RASGRP1: variants seen among roughly 807,000 people sequenced by gnomAD.
The protein encoded by RASGRP1 is RAS guanyl-releasing protein 1.
Under a neutral mutation model 95.1 loss-of-function variants are expected in RASGRP1, and 37 were observed. The ratio of observed to expected loss-of-function variants is 0.39; its 90% confidence interval spans 0.30 to 0.51. RASGRP1 has a LOEUF of 0.51. Among genes scored for constraint, RASGRP1 ranks in the 20% least tolerant of loss-of-function variants. RASGRP1 has a pLI of 0.80. For missense variants in RASGRP1, 711 were observed against 965.4 expected (o/e 0.74, Z 3.49); for synonymous variants, 325 against 353.4 (o/e 0.92, Z 0.90).
chr15:38,550,357 A>G (rs1893290560), intron 2 of RASGRP1, among the ~76,000 whole-genome samples: 1 of 152,142 alleles, frequency 6.6e-6, no homozygotes, highest in South Asian at 2.1e-4. Context: ...CTTTCACTGT[A>G]ATACAAAATA....
intron 4 of RASGRP1, 22 bp downstream of exon 4, chr15:38,519,287 G>A (rs1891905223): frequency 6.6e-7 from 1 of 1,514,510 alleles, no homozygotes; most frequent in Admixed American, 1.7e-5. Context: ...ACAAAGTCTT[G>A]AAATACATAA....
chr15:38,496,072 A>G lies in RASGRP1; in HGVS notation c.1874-1305T>C, dbSNP rs1203887967. ...TGACAGTGTTAACAGAAATTAGGAG[A>G]GGTACAAGTTTCAAGAAAGTGAAAG... On this transcript the variant is annotated intron_variant, in intron 15 of 16. Transcript: ENST00000310803. 2.6e-5 allele frequency among the ~76,000 whole-genome samples: 4 copies of G among 152,150 alleles called. No individual in the cohort carries two copies. The East Asian group carries it at 7.7e-4, about 29-fold the overall frequency.
At chr15:38,510,445 A>C (rs1004739375) in intron 8 of RASGRP1, among the ~76,000 whole-genome samples, 3 of 152,244 alleles carry the variant, frequency 2.0e-5, no homozygotes, top group African/African-American at 7.2e-5. Flanking sequence ...CAGAGATAAT[A>C]AAAGACTCCC....
intron 1 of RASGRP1, 100 bp downstream of exon 1, chr15:38,564,494 C>G: frequency 8.5e-7 from 1 of 1,177,012 alleles, no homozygotes. Context: ...CGGCCCCCCT[C>G]CGCCCTCAAC....
At chr15:38,519,172 C>T (rs1286185272) in intron 4 of RASGRP1, 137 bp downstream of exon 4, 4 of 517,092 alleles carry the variant, frequency 7.7e-6, no homozygotes, top group Non-Finnish European at 1.3e-5. Context: ...AGAGAAAATT[C>T]ACTGTTATGA....
At chr15:38,514,775 C>G (rs1891692156) in intron 6 of RASGRP1, among the ~76,000 whole-genome samples, 3 of 152,228 alleles carry the variant, frequency 2.0e-5, no homozygotes, top group Admixed American at 2.0e-4. Flanking sequence ...TCTGCCTCCA[C>G]TGATGTGAGC....
intron 2 of RASGRP1, among the ~76,000 whole-genome samples, chr15:38,549,887 G>A (rs1385642834): frequency 6.6e-6 from 1 of 152,038 alleles, no homozygotes; most frequent in Non-Finnish European, 1.5e-5. Flanking sequence ...CTTCTGTGCT[G>A]CTGAAGAATC....
intron 15 of RASGRP1, among the ~76,000 whole-genome samples, chr15:38,497,264 C>A (rs1890828591): frequency 6.6e-6 from 1 of 152,180 alleles, no homozygotes; most frequent in South Asian, 2.1e-4. Context: ...CCGTCCCCAA[C>A]AAGCCCTTCA....
At chr15:38,498,653 CTG>C in intron 15 of RASGRP1, 139 bp downstream of exon 15, 2 of 1,022,694 alleles carry the variant, frequency 2.0e-6, no homozygotes, top group East Asian at 5.2e-5. Flanking sequence ...AAATCCAAAA[CTG>C]TGGGAGGGGT....
intron 2 of RASGRP1, among the ~76,000 whole-genome samples, chr15:38,540,564 T>C (rs1892825432): frequency 6.6e-6 from 1 of 152,082 alleles, no homozygotes; most frequent in African/African-American, 2.4e-5. Context: ...AGTAAAAGGG[T>C]AAAAAGAGGA....
chr15:38,505,470 G>A (rs1267570294), intron 10 of RASGRP1, among the ~76,000 whole-genome samples: 1 of 152,006 alleles, frequency 6.6e-6, no homozygotes, highest in Admixed American at 6.6e-5. Context: ...AATTTATGTG[G>A]GGACTCTTCT....
chr15:38,496,775 T>A (rs1890807530), intron 15 of RASGRP1, among the ~76,000 whole-genome samples: 1 of 152,182 alleles, frequency 6.6e-6, no homozygotes, highest in African/African-American at 2.4e-5. Flanking sequence ...AATTTTTACT[T>A]GGCTGATGTG....
intron 2 of RASGRP1, 143 bp from the exon 3 acceptor site, chr15:38,526,547 T>C (rs898293331): frequency 1.0e-5 from 6 of 600,636 alleles, no homozygotes; most frequent in Non-Finnish European, 1.8e-5. Context: ...AGCCCCCCTC[T>C]GTTTTTCTCA....
intron 2 of RASGRP1, among the ~76,000 whole-genome samples, chr15:38,549,329 A>G (rs901419062): frequency 6.6e-6 from 1 of 152,238 alleles, no homozygotes; most frequent in African/African-American, 2.4e-5. Flanking sequence ...TGCTCATCAG[A>G]TTTAAGGATG....
intron 8 of RASGRP1, among the ~76,000 whole-genome samples, chr15:38,509,524 C>G (rs1438154917): frequency 3.3e-5 from 5 of 152,072 alleles, no homozygotes; most frequent in South Asian, 2.1e-4. Context: ...GTCCAAAGTT[C>G]AAGACCAGCC....
intron 2 of RASGRP1, among the ~76,000 whole-genome samples, chr15:38,529,395 C>T (rs1404912847): frequency 6.6e-5 from 10 of 152,220 alleles, no homozygotes; most frequent in Non-Finnish European, 1.5e-4. Flanking sequence ...AATTGTACCT[C>T]AAACACTCCC....
intron 2 of RASGRP1, among the ~76,000 whole-genome samples, chr15:38,559,335 T>C (rs1893711518): frequency 6.6e-6 from 1 of 152,168 alleles, no homozygotes; most frequent in Non-Finnish European, 1.5e-5. Context: ...CAGTGTCTTC[T>C]CGTCACAAAC....
At chr15:38,510,640 G>A (rs916834477) in intron 8 of RASGRP1, among the ~76,000 whole-genome samples, 4 of 152,122 alleles carry the variant, frequency 2.6e-5, no homozygotes, top group African/African-American at 9.7e-5. Flanking sequence ...TTATATCCTC[G>A]GTATATTACA....
At chr15:38,501,366 G>A (rs1488490557) in intron 12 of RASGRP1, 79 bp from the exon 13 acceptor site, 1 of 1,500,906 alleles carries the variant, frequency 6.7e-7, no homozygotes, top group African/African-American at 1.4e-5. Context: ...TCTAGCCTTA[G>A]AAACTCACCT....
Sources: gnomAD v4.1 joint callset for allele counts (sites outside exome capture counted in the v4.1 genomes callset) on GRCh38, gnomAD v4.1.1 for gene constraint, MANE v1.5 for transcripts, NCBI Gene and HGNC (gene_info 2026-07-23, HGNC 2026-07-21) for gene names.